The following COL5A3 variants were observed in gnomAD, a reference collection of about 807,000 sequenced individuals.
COL5A3 encodes collagen type V alpha 3 chain.
Under a neutral mutation model 250.0 loss-of-function variants are expected in COL5A3, and 172 were observed. The observed-to-expected ratio is 0.69, with a 90% CI of 0.61 to 0.78. The LOEUF is 0.78. Ranked by LOEUF, COL5A3 falls within the 30% of genes least tolerant of loss-of-function variation. The pLI is 0.00. For missense variants in COL5A3, 2,340 were observed against 2,334.4 expected (o/e 1.00, Z -0.05); for synonymous variants, 937 against 900.4 (o/e 1.04, Z -0.73).
chr19:10,009,993 A>G lies in COL5A3; in HGVS notation c.88+305T>C, dbSNP rs1299870093. Among the ~76,000 whole-genome samples the G allele has an allele frequency of 1.3e-5, 2 of 152,120 alleles. No individual in the cohort carries two copies. Among genetic ancestry groups the G allele is most frequent in the African/African-American group, 2.4e-5 (1 of 41,420 alleles). ...ACCATCAACCTCCACACGCAAGCAC[A>G]TACGCAACTTCACTCCAAATGCACA... On this transcript the variant is annotated intron_variant, in intron 1 of 66. Transcript: ENST00000264828. The surrounding 1 kb of genome is among the most constrained non-coding windows in gnomAD (Gnocchi z 4.4).
intron 5 of COL5A3, 114 bp downstream of exon 5, chr19:10,003,927 C>A: frequency 9.5e-7 from 1 of 1,051,632 alleles, no homozygotes; most frequent in Non-Finnish European, 1.5e-6. Context: ...TTGGAGGTCA[C>A]GGGTCACTTA....
chr19:9,998,982 C>CTCCTTCCT (rs139008590), intron 8 of COL5A3, among the ~76,000 whole-genome samples: 2 of 150,834 alleles, frequency 1.3e-5, no homozygotes, highest in African/African-American at 4.9e-5. Context: ...CCATGCTTGG[C>CTCCTTCCT]TCCTTCCTTC....
intron 34 of COL5A3, 44 bp from the exon 35 acceptor site, chr19:9,980,736 C>A: frequency 6.2e-7 from 1 of 1,614,118 alleles, no homozygotes; most frequent in Non-Finnish European, 8.5e-7. Flanking sequence ...ACAAACTCAA[C>A]TGGGAAGAAT....
intron 45 of COL5A3, among the ~76,000 whole-genome samples, chr19:9,975,424 G>A (rs572695272): frequency 2.9e-4 from 44 of 152,232 alleles, no homozygotes; most frequent in African/African-American, 8.7e-4. Flanking sequence ...CATGAGTAGA[G>A]TTGAGACTGG....
chr19:10,010,303 T>C lies in COL5A3; in HGVS notation c.83A>G (p.Gln28Arg). Reference protein sequence around the residue: ...LAALQLLPGTQADPVDVLKAL... With the variant: ...LAALQLLPGTRADPVDVLKAL... ...TCTCTTCCCTCCCGGCTCACCGGCC[T>C]GCGTCCCCGGCAGAAGCTGCAGCGC... Residue 28 changes from glutamine (Q) to arginine (R), a missense_variant, in exon 1 of 67, where the codon CAG (glutamine) becomes CGG (arginine). Transcript: ENST00000264828. 6.9e-7 allele frequency: 1 copy of C among 1,445,720 alleles called. No homozygotes were observed. Among genetic ancestry groups the C allele is most frequent in the Admixed American group, 2.6e-5 (1 of 38,540 alleles). The allele number at this position is 1,445,720 out of a possible 1,614,324, so 89.6% of individuals were successfully genotyped here. A position where few individuals can be genotyped will look rare whatever the true frequency, so the allele number is the denominator to read the frequency against.
intron 15 of COL5A3, 155 bp downstream of exon 15, chr19:9,995,911 T>C: frequency 1.2e-6 from 1 of 824,712 alleles, no homozygotes; most frequent in Non-Finnish European, 1.9e-6. Context: ...CCCAAAGTTC[T>C]GGGATTCCAG....
chr19:9,995,975 C>A, intron 15 of COL5A3, 91 bp downstream of exon 15: 1 of 1,249,942 alleles, frequency 8.0e-7, no homozygotes, highest in Non-Finnish European at 1.1e-6. Context: ...ATCCCCAGCC[C>A]CTTTGGCACT....
At chr19:9,997,498 C>A in intron 10 of COL5A3, 65 bp from the exon 11 acceptor site, 1 of 1,040,940 alleles carries the variant, frequency 9.6e-7, no homozygotes, top group African/African-American at 1.6e-5. Flanking sequence ...GACTTTCAAC[C>A]TACCACTGAC....
intron 45 of COL5A3, among the ~76,000 whole-genome samples, chr19:9,976,307 C>T (rs1359551221): frequency 6.6e-6 from 1 of 151,610 alleles, no homozygotes; most frequent in Non-Finnish European, 1.5e-5. Flanking sequence ...GAGGGGAAGA[C>T]ATGGTTGGGT....
chr19:9,991,463 A>G, intron 24 of COL5A3, 147 bp downstream of exon 24: 1 of 641,500 alleles, frequency 1.6e-6, no homozygotes, highest in Non-Finnish European at 2.6e-6. Context: ...CAACAAGGAC[A>G]CTTTGTATCT....
At chr19:9,988,864 TAAAGA>T (rs936907911) in intron 27 of COL5A3, among the ~76,000 whole-genome samples, 2 of 125,336 alleles carry the variant, frequency 1.6e-5, no homozygotes, top group Non-Finnish European at 3.4e-5. Context: ...AAAAAGAAAG[TAAAGA>T]AAAGAAAAGG....
intron 61 of COL5A3, 81 bp from the exon 62 acceptor site, chr19:9,967,481 ACT>A (rs1018003329): frequency 6.0e-5 from 51 of 851,086 alleles, no homozygotes; most frequent in Admixed American, 2.1e-4. Flanking sequence ...ACACACACAC[ACT>A]CACACACACA....
chr19:9,981,835 A>G (rs2087015308), intron 32 of COL5A3, among the ~76,000 whole-genome samples: 2 of 152,226 alleles, frequency 1.3e-5, no homozygotes, highest in East Asian at 1.9e-4. Flanking sequence ...TGTCTCATCG[A>G]TATTGAAAGA....
chr19:9,960,642 C>G lies in COL5A3; in HGVS notation c.5091+9G>C. 6.2e-7 allele frequency: 1 copy of G among 1,613,908 alleles called. No homozygotes were observed. Among genetic ancestry groups the G allele is most frequent in the Non-Finnish European group, 8.5e-7 (1 of 1,179,976 alleles). On this transcript the variant is annotated intron_variant, in intron 66 of 66. Transcript: ENST00000264828. ...CCCTCTCTAGCTGGCCACTGCCCCA[C>G]CCTCTTACCCGGCAGCCATCCTGGG...
At chr19:9,981,938 T>A in intron 32 of COL5A3, 127 bp downstream of exon 32, 1 of 755,570 alleles carries the variant, frequency 1.3e-6, no homozygotes, top group Non-Finnish European at 2.4e-6. Context: ...TATAATAGCA[T>A]GTGTGCACAC....
Position 9,982,063 on chromosome 19 carries a change from A to G in COL5A3, c.2460+2T>C. 4 of 1,609,842 alleles carry G rather than the reference A, an allele frequency of 2.5e-6. No homozygotes were observed. Among genetic ancestry groups the G allele is most frequent in the African/African-American group, 1.3e-5 (1 of 74,872 alleles). On this transcript the variant is annotated splice_donor_variant, in intron 32 of 66. Transcript: ENST00000264828. LOFTEE classifies it high-confidence loss of function. Reference sequence around the variant, plus strand: ...TCTCCCTTACCCCCGGTCATGACTCACCGACTTCCCTTTCTCTCCTATGGG... The same window carrying G: ...TCTCCCTTACCCCCGGTCATGACTCGCCGACTTCCCTTTCTCTCCTATGGG...
At chr19:9,992,988 AC>A in intron 20 of COL5A3, 34 bp downstream of exon 20, 1 of 1,611,748 alleles carries the variant, frequency 6.2e-7, no homozygotes. Context: ...CCTCCCCTGC[AC>A]CAAGCAAGGG....
chr19:9,975,979 C>T (rs2086914842), intron 45 of COL5A3, among the ~76,000 whole-genome samples: 1 of 149,122 alleles, frequency 6.7e-6, no homozygotes, highest in Non-Finnish European at 1.5e-5. Flanking sequence ...GGGATTGAAT[C>T]AGATTCTGGG....
chr19:10,009,458 GA>G lies in COL5A3; in HGVS notation c.88+839del, dbSNP rs990308894. 1.4e-5 allele frequency among the ~76,000 whole-genome samples: 2 copies of G among 144,820 alleles called. No homozygotes were observed. Among genetic ancestry groups the G allele is most frequent in the African/African-American group, 2.5e-5 (1 of 40,186 alleles). On this transcript the variant is annotated intron_variant, in intron 1 of 66. Transcript: ENST00000264828. This position sits in a 1 kb window ranked among gnomAD's most constrained non-coding sequence, Gnocchi z 4.4. ...TGGGGGCTCCTGAGAAATTCCTCGG[GA>G]AAAACACCCAAGGCTCCAGCAGCTG...
Sources: gnomAD v4.1 joint callset for allele counts (sites outside exome capture counted in the v4.1 genomes callset) on GRCh38, gnomAD v4.1.1 for gene constraint, Gnocchi (gnomAD v3.1) non-coding constraint, MANE v1.5 for transcripts, NCBI Gene and HGNC (gene_info 2026-07-23, HGNC 2026-07-21) for gene names.